LRP6: variants seen among roughly 807,000 people sequenced by gnomAD.
LRP6 encodes the protein LDL receptor related protein 6.
LRP6 carries 43 observed loss-of-function variants against 184.1 expected under a neutral mutation model. The observed-to-expected ratio is 0.23, with a 90% CI of 0.18 to 0.30. The LOEUF (loss-of-function observed/expected upper bound fraction) is 0.30, where lower values mean the gene tolerates loss of function less well. Ranked by LOEUF, LRP6 falls within the 10% of genes least tolerant of loss-of-function variation. The pLI, the probability that LRP6 is intolerant of heterozygous loss-of-function variation, is 1.00. For synonymous variants in LRP6, 719 were observed against 684.9 expected (o/e 1.05, Z -0.78); for missense variants, 1,571 against 2,005.3 (o/e 0.78, Z 4.14).
chr12:12,152,345 G>C (rs914412414), intron 12 of LRP6, among the ~76,000 whole-genome samples: 1 of 152,132 alleles, frequency 6.6e-6, no homozygotes, highest in South Asian at 2.1e-4. Context: ...CTAATGCAGT[G>C]GTGCGATCTC....
chr12:12,227,971 T>G (rs1003087646), intron 2 of LRP6, among the ~76,000 whole-genome samples: 1 of 152,216 alleles, frequency 6.6e-6, no homozygotes, highest in Non-Finnish European at 1.5e-5. Context: ...TCTGTAAAGC[T>G]TGGCACTCAT....
chr12:12,219,889 G>T (rs146509372), intron 2 of LRP6, among the ~76,000 whole-genome samples: 1 of 152,156 alleles, frequency 6.6e-6, no homozygotes, highest in East Asian at 1.9e-4. Context: ...GGAGGAGGAC[G>T]TAGAGGTCAA....
intron 1 of LRP6, among the ~76,000 whole-genome samples, chr12:12,261,386 G>C (rs531117654): frequency 2.0e-5 from 3 of 146,690 alleles, no homozygotes; most frequent in African/African-American, 2.5e-5. Flanking sequence ...CTGGGCGACA[G>C]AGCAAGACTC....
chr12:12,150,416 T>C (rs532420615), intron 13 of LRP6, among the ~76,000 whole-genome samples: 1 of 152,314 alleles, frequency 6.6e-6, no homozygotes, highest in South Asian at 2.1e-4. Flanking sequence ...TGAGTTCCTG[T>C]TACATAACAC....
intron 2 of LRP6, among the ~76,000 whole-genome samples, chr12:12,228,602 G>A (rs997947982): frequency 7.9e-5 from 12 of 152,198 alleles, no homozygotes; most frequent in African/African-American, 1.9e-4. Flanking sequence ...GCAGGCAAGC[G>A]AGCATTACTG....
At chr12:12,170,066 C>T (rs1437303622) in intron 7 of LRP6, among the ~76,000 whole-genome samples, 1 of 152,048 alleles carries the variant, frequency 6.6e-6, no homozygotes, top group South Asian at 2.1e-4. Context: ...AGAATGTTTT[C>T]GCTCACACCT....
chr12:12,182,983 A>G (rs745893294), intron 5 of LRP6, among the ~76,000 whole-genome samples: 6 of 152,236 alleles, frequency 3.9e-5, no homozygotes, highest in Non-Finnish European at 7.3e-5. Flanking sequence ...ATTTTTAAAG[A>G]AAAAAGCAAC....
chr12:12,219,328 C>A (rs1016112709), intron 2 of LRP6, among the ~76,000 whole-genome samples: 3 of 152,174 alleles, frequency 2.0e-5, no homozygotes, highest in Admixed American at 2.0e-4. Flanking sequence ...GCCTCAGCCT[C>A]CCAAGTAGCT....
intron 14 of LRP6, 94 bp downstream of exon 14, chr12:12,148,848 A>G (rs1291771827): frequency 2.3e-6 from 2 of 884,572 alleles, no homozygotes; most frequent in Non-Finnish European, 3.9e-6. Flanking sequence ...GCTGGAGCAC[A>G]GGACACTTAA....
intron 4 of LRP6, 134 bp from the exon 5 acceptor site, chr12:12,184,245 C>T: frequency 1.4e-6 from 1 of 721,004 alleles, no homozygotes; most frequent in South Asian, 1.5e-5. Flanking sequence ...ATCAAACCAT[C>T]TGCAAAGACA....
chr12:12,182,960 A>G (rs1483302336), intron 5 of LRP6, among the ~76,000 whole-genome samples: 2 of 152,244 alleles, frequency 1.3e-5, no homozygotes, highest in South Asian at 4.1e-4. Context: ...CCTCTGTTTT[A>G]AAGTCAGGCT....
chr12:12,249,814 TCTAA>T (rs747353182), intron 1 of LRP6, among the ~76,000 whole-genome samples: 1 of 152,164 alleles, frequency 6.6e-6, no homozygotes, highest in Non-Finnish European at 1.5e-5. Flanking sequence ...GTTCTGTCCC[TCTAA>T]CTTTTTGTTG....
In LRP6 at chr12:12,120,282, A is replaced by G. The variant is rs1031985693; in HGVS notation, c.*844T>C. 6.6e-6 allele frequency: 1 copy of G among 152,020 alleles called. No homozygotes were observed. Among genetic ancestry groups the G allele is most frequent in the African/African-American group, 2.4e-5 (1 of 41,400 alleles). 9.4% of individuals were successfully genotyped at this position (152,020 alleles called of 1,614,324 possible). On this transcript the variant is annotated 3_prime_UTR_variant, in exon 23 of 23. Coordinates refer to ENST00000261349, the MANE Select transcript of LRP6 (RefSeq NM_002336.3). ...CCTACTGGGGAATGGAGCTAGAAGA[A>G]ATATTAAAATCAAGTTTAATTTAGA...
intron 16 of LRP6, among the ~76,000 whole-genome samples, chr12:12,137,535 CAG>C (rs1168740337): frequency 4.6e-5 from 7 of 152,030 alleles, no homozygotes; most frequent in African/African-American, 1.5e-4. Flanking sequence ...ACTAATTAAA[CAG>C]AGTCTTCTCT....
chr12:12,195,866 A>G (rs930198156), intron 3 of LRP6, among the ~76,000 whole-genome samples: 5 of 152,072 alleles, frequency 3.3e-5, no homozygotes, highest in African/African-American at 1.2e-4. Context: ...TGATTTTTGT[A>G]TAAGGTGAGA....
intron 15 of LRP6, 74 bp downstream of exon 15, chr12:12,147,292 G>C: frequency 6.6e-7 from 1 of 1,515,586 alleles, no homozygotes; most frequent in South Asian, 1.1e-5. Flanking sequence ...AAAACAATAC[G>C]ATGCAAGAAA....
At chr12:12,167,817 T>C (rs550021712) in intron 7 of LRP6, among the ~76,000 whole-genome samples, 8 of 152,184 alleles carry the variant, frequency 5.3e-5, no homozygotes, top group South Asian at 2.1e-4. Context: ...AGCTAAATGA[T>C]TGTATTTAAT....
chr12:12,244,762 G>C (rs1865144872), intron 1 of LRP6, 107 bp from the exon 2 acceptor site: 2 of 991,590 alleles, frequency 2.0e-6, no homozygotes, highest in East Asian at 5.2e-5. Flanking sequence ...TCGAAAATAA[G>C]AAAAGAATAA....
intron 4 of LRP6, among the ~76,000 whole-genome samples, chr12:12,185,576 C>G (rs540410125): frequency 1.3e-5 from 2 of 152,218 alleles, no homozygotes; most frequent in East Asian, 3.9e-4. Flanking sequence ...TTTATTTACA[C>G]AAAAGTGCCA....
Sources: allele counts gnomAD v4.1 joint callset (sites outside exome capture counted in the v4.1 genomes callset), GRCh38; gene constraint gnomAD v4.1.1; transcripts MANE v1.5; gene names NCBI Gene and HGNC (gene_info 2026-07-23, HGNC 2026-07-21).